Variants in NCF2 observed in about 807,000 individuals in gnomAD.
NCF2 encodes the protein neutrophil cytosolic factor 2.
A neutral mutation model predicts 70.9 loss-of-function variants in NCF2; 45 were observed. The observed-to-expected ratio is 0.63, with a 90% confidence interval of 0.50 to 0.81. The LOEUF (loss-of-function observed/expected upper bound fraction) is 0.81. Among genes scored for constraint, NCF2 ranks in the 40% least tolerant of loss-of-function variants. The probability of loss-of-function intolerance (pLI) is 0.00; values close to 1 mark genes in which losing one functional copy is unlikely to be tolerated. For missense variants in NCF2, 522 were observed against 631.6 expected (o/e 0.83, Z 1.86); for synonymous variants, 203 against 233.6 (o/e 0.87, Z 1.19).
At chr1:183,599,530 T>TTTCTTTCTTTCTTTCC in the NCF2 span, among the ~76,000 whole-genome samples, 1 of 148,702 alleles carries the variant, frequency 6.7e-6, no homozygotes, top group African/African-American at 2.5e-5. Flanking sequence ...TTTCTCTCTC[T>TTTCTTTCTTTCTTTCC]TTCTTTCTTT....
intron 14 of NCF2, among the ~76,000 whole-genome samples, chr1:183,558,502 A>C (rs1671894506): frequency 6.6e-6 from 1 of 151,976 alleles, no homozygotes; most frequent in South Asian, 2.1e-4. Flanking sequence ...TCCTGACCTC[A>C]AGCAGTCAGC....
intron 14 of NCF2, among the ~76,000 whole-genome samples, chr1:183,557,972 T>G (rs1671867223): frequency 1.3e-5 from 2 of 152,244 alleles, no homozygotes; most frequent in Non-Finnish European, 2.9e-5. Context: ...TGTCCCTAGT[T>G]CAAGTGATTC....
intron 1 of NCF2, 116 bp downstream of exon 1, chr1:183,590,039 TG>T: frequency 6.7e-7 from 1 of 1,499,602 alleles, no homozygotes. Flanking sequence ...GGGTGGAGCT[TG>T]GGCAACTTTT....
At chr1:183,592,403 A>AT (rs1217556808), upstream of NCF2, among the ~76,000 whole-genome samples, 2 of 152,176 alleles carry the variant, frequency 1.3e-5, no homozygotes, top group Non-Finnish European at 2.9e-5. Flanking sequence ...TAGTAGGAGA[A>AT]TTTTCCTCTC....
chr1:183,567,353 G>A lies in NCF2; in HGVS notation c.714-8C>T, dbSNP rs1313573110. On this transcript the variant is annotated splice_region_variant and splice_polypyrimidine_tract_variant and intron_variant, in intron 7 of 14. Transcript: ENST00000367535. ...GCCTCCCCTTCCAGAGCCCTGCAGA[G>A]GATAGACACAAGATCCAGCCCCCAT... The A allele has an allele frequency of 1.9e-6, 3 of 1,613,824 alleles. No homozygotes were observed. The highest frequency in any genetic ancestry group is 1.7e-6 in the Non-Finnish European group (2 of 1,180,040).
intron 10 of NCF2, among the ~76,000 whole-genome samples, chr1:183,564,972 C>T (rs1246715645): frequency 1.3e-5 from 2 of 152,110 alleles, no homozygotes; most frequent in East Asian, 3.9e-4. Flanking sequence ...GTTCATGGTG[C>T]AAAATGTTAA....
upstream of NCF2, among the ~76,000 whole-genome samples, chr1:183,593,114 A>G (rs73054054): frequency 0.013 from 1,291 of 100,634 alleles, 17 homozygotes; most frequent in African/African-American, 0.049. Context: ...ACTCTTCACC[A>G]ATGTATGTGC....
intron 1 of NCF2, among the ~76,000 whole-genome samples, chr1:183,588,650 T>C (rs193129881): frequency 2.6e-5 from 4 of 152,196 alleles, no homozygotes; most frequent in African/African-American, 7.2e-5. Flanking sequence ...TTGTTTACTA[T>C]ACAAACTTAT....
Position 183,590,173 on chromosome 1 carries a change from T to C in NCF2, c.157A>G (p.Met53Val), listed in dbSNP as rs993538958. Reference protein sequence around the residue: ...IGCMYTILKNMTEAEKAFTRS... With the variant: ...IGCMYTILKNVTEAEKAFTRS... ...CCACTCACCTTCTCTGCTTCAGTCA[T>C]GTTCTTCAGGATAGTGTACATGCAG... is the stretch of plus-strand genomic sequence containing the variant. Residue 53 changes from methionine to valine, a missense_variant, in exon 1 of 15, where the codon ATG (methionine) becomes GTG (valine). Transcript: ENST00000367535. The C allele has an allele frequency of 3.1e-6, 5 of 1,614,058 alleles. No individual in the cohort carries two copies. In the Admixed American group the frequency reaches 6.7e-5, roughly 22 times the overall value.
At chr1:183,598,768 G>A in the NCF2 span, among the ~76,000 whole-genome samples, 1 of 152,142 alleles carries the variant, frequency 6.6e-6, no homozygotes, top group Non-Finnish European at 1.5e-5. Context: ...CCAGATAGAG[G>A]ATGGTGAGAA....
At position 183,567,258 on chromosome 1, in the gene NCF2, GAC is replaced by G; in HGVS notation, c.799_800del (p.Val267LeufsTer8). The G allele has an allele frequency of 6.2e-7, 1 of 1,614,160 alleles. No individual in the cohort carries two copies. The highest frequency in any genetic ancestry group is 8.5e-7 in the Non-Finnish European group (1 of 1,180,036). On this transcript the variant is annotated frameshift_variant, in exon 8 of 15. Coordinates refer to ENST00000367535, the MANE Select transcript of NCF2 (RefSeq NM_000433.4). LOFTEE classifies it high-confidence loss of function. ...EELQVMPGNI[V>X]FVLKKGNDNW... ...TATCATTGCCCTTCTTCAAGACAAAGACAATGTTCCCTGGCATGACCTGGAGC... is the reference window on the plus strand; with the variant it reads ...TATCATTGCCCTTCTTCAAGACAAAGAATGTTCCCTGGCATGACCTGGAGC...
intron 10 of NCF2, among the ~76,000 whole-genome samples, chr1:183,564,804 T>C (rs1672231543): frequency 6.6e-6 from 1 of 152,208 alleles, no homozygotes; most frequent in South Asian, 2.1e-4. Context: ...GAATATACAT[T>C]ATATAATACT....
At chr1:183,597,097 T>C in the NCF2 span, among the ~76,000 whole-genome samples, 5 of 152,300 alleles carry the variant, frequency 3.3e-5, no homozygotes, top group African/African-American at 1.2e-4. Flanking sequence ...AAAAAAGAAA[T>C]ATGGTTGATG....
At chr1:183,600,185 A>T in the NCF2 span, among the ~76,000 whole-genome samples, 1 of 152,226 alleles carries the variant, frequency 6.6e-6, no homozygotes, top group Non-Finnish European at 1.5e-5. Flanking sequence ...TAAGTTTAAA[A>T]ACCCAACTGC....
the NCF2 span, among the ~76,000 whole-genome samples, chr1:183,597,232 G>A: frequency 6.6e-6 from 1 of 152,298 alleles, no homozygotes; most frequent in South Asian, 2.1e-4. Context: ...TAGAGCCAGG[G>A]ATCTCTTTTA....
chr1:183,579,933 C>T (rs1672983334), intron 2 of NCF2, among the ~76,000 whole-genome samples: 2 of 152,002 alleles, frequency 1.3e-5, no homozygotes, highest in African/African-American at 4.8e-5. Context: ...ATACATCAGC[C>T]ACTTATTACG....
upstream of NCF2, among the ~76,000 whole-genome samples, chr1:183,592,875 C>G (rs1673712959): frequency 6.6e-6 from 1 of 152,184 alleles, no homozygotes; most frequent in Non-Finnish European, 1.5e-5. Context: ...TCCCGCTATG[C>G]CTTCATTCCT....
chr1:183,563,890 T>A, intron 11 of NCF2, 115 bp downstream of exon 11: 1 of 1,231,114 alleles, frequency 8.1e-7, no homozygotes, highest in Admixed American at 1.7e-5. Context: ...AGGTAGCAAC[T>A]GGTTCGACCC....
Position 183,590,242 on chromosome 1 carries a change from T to G in NCF2, c.88A>C (p.Ser30Arg). Residue 30 changes from serine to arginine, a missense_variant, in exon 1 of 15, where the codon AGT becomes CGT. Physicochemically the swap from Ser to Arg is moderately radical, Grantham distance 110 (BLOSUM62 -1). Transcript: ENST00000367535. Reference sequence around the variant, plus strand: ...CGGGAGTGGGGGTCCTGGACGGCACTGAAGGCATCCAGGGCTCCCTTCCAG... The same window carrying G: ...CGGGAGTGGGGGTCCTGGACGGCACGGAAGGCATCCAGGGCTCCCTTCCAG... ...KDWKGALDAF[S>R]AVQDPHSRIC... 6.2e-7 allele frequency: 1 copy of G among 1,614,194 alleles called. No individual in the cohort carries two copies. The highest frequency in any genetic ancestry group is 8.5e-7 in the Non-Finnish European group (1 of 1,180,032).
Sources: allele counts gnomAD v4.1 joint callset (sites outside exome capture counted in the v4.1 genomes callset), GRCh38; gene constraint gnomAD v4.1.1; transcripts MANE v1.5; gene names NCBI Gene and HGNC (gene_info 2026-07-23, HGNC 2026-07-21).